NAA20: variants seen among roughly 807,000 people sequenced by gnomAD.
The protein encoded by NAA20 is N-alpha-acetyltransferase 20, NatB catalytic subunit.
Under a neutral mutation model 23.8 loss-of-function variants are expected in NAA20, and 24 were observed. The observed-to-expected ratio is 1.01, with a 90% CI of 0.73 to 1.42. The LOEUF (loss-of-function observed/expected upper bound fraction) is 1.42, where lower values mean the gene tolerates loss of function less well. Among genes scored for constraint, NAA20 ranks in the 40% most tolerant of loss-of-function variants. The pLI is 0.00. For missense variants in NAA20, 166 were observed against 223.1 expected (o/e 0.74, Z 1.63); for synonymous variants, 83 against 77.7 (o/e 1.07, Z -0.36).
chr20:20,017,929 A>G, intron 1 of NAA20: 1 of 1,610,900 alleles, frequency 6.2e-7, no homozygotes, highest in Non-Finnish European at 8.5e-7. Flanking sequence ...GCTGGTCAGC[A>G]GCTGTTGGGA....
rs1230698454 is a variant in NAA20 at position 20,026,890 on chromosome 20, T to TA, written c.277dup (p.Met93AsnfsTer24). On this transcript the variant is annotated frameshift_variant, in exon 4 of 6. Transcript: ENST00000334982. LOFTEE classifies it high-confidence loss of function. ...GACGCCTTGGTTTGGCTGCTAAACTTATGGAGTTACTAGAGGAGATTTCAG... is the reference window on the plus strand; with the variant it reads ...GACGCCTTGGTTTGGCTGCTAAACTTAATGGAGTTACTAGAGGAGATTTCAG... The TA allele has an allele frequency of 6.2e-7, 1 of 1,614,098 alleles. No individual in the cohort carries two copies. The highest frequency in any genetic ancestry group is 8.5e-7 in the Non-Finnish European group (1 of 1,180,042).
At chr20:20,025,039 A>C (rs2043297901) in intron 2 of NAA20, among the ~76,000 whole-genome samples, 1 of 152,226 alleles carries the variant, frequency 6.6e-6, no homozygotes, top group South Asian at 2.1e-4. Flanking sequence ...TTGAAGAGTG[A>C]AGTCATGAGC....
intron 1 of NAA20, among the ~76,000 whole-genome samples, chr20:20,020,983 A>G (rs1202136281): frequency 7.6e-6 from 1 of 131,266 alleles, no homozygotes; most frequent in Non-Finnish European, 1.6e-5. Context: ...GTGCCTATTG[A>G]CAGGAGAGCA....
intron 4 of NAA20, among the ~76,000 whole-genome samples, chr20:20,032,083 C>T (rs1010149037): frequency 8.1e-5 from 12 of 148,770 alleles, no homozygotes; most frequent in Non-Finnish European, 1.6e-4. Context: ...TCAACAGGAC[C>T]GTGAATGACT....
intron 4 of NAA20, among the ~76,000 whole-genome samples, chr20:20,031,553 A>G (rs76940600): frequency 0.012 from 1,755 of 152,300 alleles, 24 homozygotes; most frequent in African/African-American, 0.04. Context: ...AAGGCTAAGG[A>G]AAGGATTCAT....
chr20:20,026,712 T>A, intron 3 of NAA20, 72 bp from the exon 4 acceptor site: 1 of 1,573,680 alleles, frequency 6.4e-7, no homozygotes, highest in South Asian at 1.1e-5. Context: ...AAAAACATAC[T>A]GAACAGTAAT....
At chr20:20,023,766 A>G (rs953585567) in intron 2 of NAA20, among the ~76,000 whole-genome samples, 1 of 152,254 alleles carries the variant, frequency 6.6e-6, no homozygotes, top group African/African-American at 2.4e-5. Context: ...ATGAGATGCC[A>G]TATTTTATGT....
At chr20:20,026,685 T>TTAA in intron 3 of NAA20, 99 bp from the exon 4 acceptor site, 1 of 1,492,800 alleles carries the variant, frequency 6.7e-7, no homozygotes, top group South Asian at 1.3e-5. Flanking sequence ...AACTTCTTTA[T>TTAA]TAGTTTCCTT....
At chr20:20,031,040 A>G (rs937031254) in intron 4 of NAA20, among the ~76,000 whole-genome samples, 7 of 152,236 alleles carry the variant, frequency 4.6e-5, no homozygotes, top group African/African-American at 1.7e-4. Context: ...TACAGTAAAC[A>G]GGTAATCGAC....
intron 4 of NAA20, among the ~76,000 whole-genome samples, chr20:20,032,040 A>G (rs2146469886): frequency 6.7e-6 from 1 of 148,916 alleles, no homozygotes; most frequent in South Asian, 2.1e-4. Context: ...TATTCACAGG[A>G]GCATCGTTTG....
At chr20:20,032,681 C>A in intron 5 of NAA20, 28 bp downstream of exon 5, 1 of 1,547,692 alleles carries the variant, frequency 6.5e-7, no homozygotes, top group Non-Finnish European at 8.7e-7. Context: ...GCAGTATCCC[C>A]AAGAAGTCGA....
chr20:20,025,709 C>G lies in NAA20; in HGVS notation c.111C>G (p.Ala37=). 1 of 1,612,460 alleles carries G rather than the reference C, an allele frequency of 6.2e-7. No individual in the cohort carries two copies. Among genetic ancestry groups the G allele is most frequent in the Non-Finnish European group, 8.5e-7 (1 of 1,178,512 alleles). Reference sequence around the variant, plus strand: ...TTCCTTTCTACCTACAATACCTCGCCCACTGGCCAGAGTATTTCATTGTTG... The same window carrying G: ...TTCCTTTCTACCTACAATACCTCGCGCACTGGCCAGAGTATTTCATTGTTG... ...YGIPFYLQYL[A]HWPEYFIVAE... Residue 37 remains alanine, a synonymous_variant, in exon 3 of 6, where the codon GCC becomes GCG. Coordinates refer to ENST00000334982, the MANE Select transcript of NAA20 (RefSeq NM_016100.5).
intron 4 of NAA20, among the ~76,000 whole-genome samples, chr20:20,030,196 C>A (rs1191754509): frequency 2.0e-5 from 3 of 152,088 alleles, no homozygotes; most frequent in Non-Finnish European, 2.9e-5. Flanking sequence ...AAGGAAAATT[C>A]GAGGAACATC....
Position 20,033,144 on chromosome 20 carries a change from T to C in NAA20, c.494T>C (p.Ile165Thr). ...ALSRDTEKKS[I>T]IPLPHPVRPE... ...TCCAGGGATACTGAGAAGAAATCCA[T>C]CATACCATTACCTCATCCTGTGAGG... Residue 165 changes from isoleucine (I) to threonine (T), a missense_variant, in exon 6 of 6, where the codon ATC becomes ACC. Ile to Thr is a moderately conservative substitution (Grantham distance 89). Transcript: ENST00000334982. 1 of 1,613,810 alleles carries C rather than the reference T, an allele frequency of 6.2e-7. No individual in the cohort carries two copies. Among genetic ancestry groups the C allele is most frequent in the Non-Finnish European group, 8.5e-7 (1 of 1,179,790 alleles).
At chr20:20,019,452 A>G (rs181156445) in intron 1 of NAA20, among the ~76,000 whole-genome samples, 14 of 152,344 alleles carry the variant, frequency 9.2e-5, no homozygotes, top group Admixed American at 3.3e-4. Context: ...CTGAAGATCT[A>G]GGAAAGGACA....
chr20:20,030,431 T>C (rs1453739035), intron 4 of NAA20, among the ~76,000 whole-genome samples: 2 of 152,162 alleles, frequency 1.3e-5, no homozygotes, highest in Non-Finnish European at 2.9e-5. Context: ...CTGAAAAATA[T>C]CTACAAGAAA....
chr20:20,022,603 T>C (rs2043277742), intron 2 of NAA20, 123 bp downstream of exon 2: 2 of 747,898 alleles, frequency 2.7e-6, no homozygotes, highest in Non-Finnish European at 4.1e-6. Context: ...GGAAACATCA[T>C]AAGCAACACT....
At chr20:20,018,600 C>T (rs2043247204) in intron 1 of NAA20, 1 of 159,012 alleles carries the variant, frequency 6.3e-6, no homozygotes, top group South Asian at 1.8e-4. Context: ...CAACTGGGAT[C>T]AGTGCGAATC....
rs6136918 is a variant in NAA20 at position 20,033,271 on chromosome 20, G to A, written c.*84G>A. ...ATTGGATGATTCTGGAGCTCTATTA[G>A]GAGAAAAGTAATCATTTTAGGTCTT... On this transcript the variant is annotated 3_prime_UTR_variant, in exon 6 of 6. Transcript: ENST00000334982. The A allele has an allele frequency of 5.5e-6, 6 of 1,095,912 alleles. No homozygotes were observed. Among genetic ancestry groups the A allele is most frequent in the African/African-American group, 4.7e-5 (3 of 63,650 alleles). 67.9% of individuals were successfully genotyped at this position (1,095,912 alleles called of 1,614,324 possible).
Sources: allele counts gnomAD v4.1 joint callset (sites outside exome capture counted in the v4.1 genomes callset), GRCh38; gene constraint gnomAD v4.1.1; transcripts MANE v1.5; gene names NCBI Gene and HGNC (gene_info 2026-07-23, HGNC 2026-07-21).